The following P2RX5 variants were observed in gnomAD, a reference collection of about 807,000 sequenced individuals.
P2RX5 encodes the protein P2X purinoceptor 5.
Under a neutral mutation model 54.1 loss-of-function variants are expected in P2RX5, and 46 were observed. The ratio of observed to expected loss-of-function variants is 0.85; its 90% CI spans 0.67 to 1.09. The LOEUF (loss-of-function observed/expected upper bound fraction) is 1.09, where lower values mean the gene tolerates loss of function less well. P2RX5 is among the 50% of genes least tolerant of loss of function. P2RX5 has a pLI of 0.00. For synonymous variants in P2RX5, 226 were observed against 226.4 expected (o/e 1.00, Z 0.02); for missense variants, 566 against 549.8 (o/e 1.03, Z -0.29).
chr17:3,685,855 G>A (rs1195762678), intron 9 of P2RX5, among the ~76,000 whole-genome samples: 1 of 18,466 alleles, frequency 5.4e-5, no homozygotes, highest in African/African-American at 1.7e-4. Context: ...CCGCCCCCCC[G>A]CCCAGCCTCA....
At chr17:3,677,954 G>C in intron 11 of P2RX5, 3 of 985,452 alleles carry the variant, frequency 3.0e-6, no homozygotes, top group Non-Finnish European at 3.6e-6. Flanking sequence ...AAGTTCAGGA[G>C]AGATGGCTGT....
chr17:3,690,833 G>A lies in P2RX5; in HGVS notation c.360+123C>T, dbSNP rs1009851135. The stretch of plus-strand genomic sequence containing the variant: ...CCCATATAATGCAGGAACCACACCC[G>A]GGTGCACACAGCCACCCGAGACCCT... On this transcript the variant is annotated intron_variant, in intron 3 of 11. Transcript: ENST00000225328. The A allele has an allele frequency of 1.8e-5, 20 of 1,134,742 alleles. No individual in the cohort carries two copies. In the East Asian group the frequency reaches 3.5e-4, roughly 20 times the overall value. 70.3% of individuals were successfully genotyped at this position (1,134,742 alleles called of 1,614,324 possible).
In P2RX5 at chr17:3,690,986, G is replaced by C. The variant is rs549872669; in HGVS notation, c.330C>G (p.Thr110=). 3.7e-6 allele frequency: 6 copies of C among 1,613,096 alleles called. No homozygotes were observed. The highest frequency in any genetic ancestry group is 3.3e-5 in the Admixed American group (2 of 59,928). ...CACAGACGTTCTGCCGCTGGTTGGG[G>C]GTCACAATCAGGTTGGTGACCACAA... ...VFFVVTNLIV[T]PNQRQNVCAE... is the part of the protein sequence containing the mutation. Residue 110 remains threonine, a synonymous_variant, in exon 3 of 12, where the codon ACC becomes ACG. Coordinates refer to ENST00000225328, the MANE Select transcript of P2RX5 (RefSeq NM_002561.4).
rs2050291756 is a variant in P2RX5 at position 3,681,838 on chromosome 17, G to GCCACGGGGGTGCT, written c.1064+45_1064+57dup. On this transcript the variant is annotated intron_variant, in intron 10 of 11. Coordinates refer to ENST00000225328, the MANE Select transcript of P2RX5 (RefSeq NM_002561.4). ...TATCACATCAGGGCAAAGGCTCGAA[G>GCCACGGGGGTGCT]CCACGGGGGTGCTCCACAGGGCTGC... is the stretch of plus-strand genomic sequence containing the variant. 1.3e-5 allele frequency: 15 copies of GCCACGGGGGTGCT among 1,178,030 alleles called. No individual in the cohort carries two copies. In the South Asian group the frequency reaches 1.7e-4, roughly 13 times the overall value. The allele number at this position is 1,178,030 out of a possible 1,614,324, so 73.0% of individuals were successfully genotyped here.
At chr17:3,677,830 G>A in intron 11 of P2RX5, 1 of 985,352 alleles carries the variant, frequency 1.0e-6, no homozygotes, top group Non-Finnish European at 1.2e-6. Context: ...CAGCACCCTG[G>A]CCTGTCCCTT....
intron 3 of P2RX5, 45 bp downstream of exon 3, chr17:3,690,911 G>A (rs2050596815): frequency 2.6e-6 from 4 of 1,537,922 alleles, no homozygotes; most frequent in East Asian, 2.3e-5. Flanking sequence ...AACCACTGCC[G>A]GTGGCTCTCC....
chr17:3,698,308 G>C (rs1003532278), upstream of P2RX5, among the ~76,000 whole-genome samples: 13 of 152,140 alleles, frequency 8.5e-5, no homozygotes, highest in African/African-American at 2.9e-4. Flanking sequence ...CGCCTGAATT[G>C]CATCTGCCCT....
At chr17:3,723,405 A>T in the P2RX5 span, 4 of 1,527,868 alleles carry the variant, frequency 2.6e-6, no homozygotes, top group Non-Finnish European at 3.6e-6. Flanking sequence ...AGGTCTAGTG[A>T]ACACAATTCC....
the P2RX5 span, among the ~76,000 whole-genome samples, chr17:3,702,775 G>A: frequency 6.6e-6 from 1 of 152,294 alleles, no homozygotes; most frequent in Middle Eastern, 3.4e-3. Context: ...AGAACCCACC[G>A]GAAGGAACCA....
At chr17:3,698,077 T>C (rs1478954346), upstream of P2RX5, among the ~76,000 whole-genome samples, 1 of 151,722 alleles carries the variant, frequency 6.6e-6, no homozygotes. Context: ...GGCATTTCGA[T>C]TCCACCCTGC....
At chr17:3,712,279 A>T in the P2RX5 span, among the ~76,000 whole-genome samples, 3 of 152,194 alleles carry the variant, frequency 2.0e-5, no homozygotes, top group East Asian at 5.8e-4. Context: ...CGGATTTCTG[A>T]ACGAAATGAA....
chr17:3,716,851 A>G, the P2RX5 span: 1 of 988,602 alleles, frequency 1.0e-6, no homozygotes, highest in Non-Finnish European at 1.6e-6. Context: ...AACAAGGAAA[A>G]AATCCTACAT....
At chr17:3,722,113 A>C in the P2RX5 span, among the ~76,000 whole-genome samples, 37 of 151,968 alleles carry the variant, frequency 2.4e-4, no homozygotes, top group East Asian at 6.6e-3. Flanking sequence ...CGGGAGGCGG[A>C]GGTTGCAGTG....
chr17:3,680,286 C>A (rs1240468704), intron 10 of P2RX5, among the ~76,000 whole-genome samples: 3 of 137,408 alleles, frequency 2.2e-5, no homozygotes, highest in Non-Finnish European at 3.1e-5. Context: ...CTCCACCCTG[C>A]ATCCTCCACC....
chr17:3,690,929 A>T, intron 3 of P2RX5, 27 bp downstream of exon 3: 1 of 1,601,738 alleles, frequency 6.2e-7, no homozygotes, highest in South Asian at 1.1e-5. Context: ...TCCCACCCCC[A>T]CGCCAGGGCC....
chr17:3,706,276 G>T, the P2RX5 span, among the ~76,000 whole-genome samples: 1 of 151,724 alleles, frequency 6.6e-6, no homozygotes, highest in African/African-American at 2.4e-5. Context: ...TATGTTTTCT[G>T]TACAGACAGG....
At chr17:3,718,758 T>C in the P2RX5 span, among the ~76,000 whole-genome samples, 1 of 152,356 alleles carries the variant, frequency 6.6e-6, no homozygotes. Flanking sequence ...TCCTCCCTGC[T>C]GGGGGCATGG....
intron 9 of P2RX5, 76 bp from the exon 10 acceptor site, chr17:3,682,054 C>CA (rs2050299409): frequency 1.1e-6 from 1 of 942,338 alleles, no homozygotes; most frequent in Non-Finnish European, 1.7e-6. Flanking sequence ...TTGCCCCTTC[C>CA]ATCCTGCAAC....
At chr17:3,714,446 T>C in the P2RX5 span, among the ~76,000 whole-genome samples, 2 of 143,042 alleles carry the variant, frequency 1.4e-5, no homozygotes, top group Non-Finnish European at 3.0e-5. Flanking sequence ...TAGGATAGTC[T>C]CGATCTCTTG....
Sources: allele counts gnomAD v4.1 joint callset (sites outside exome capture counted in the v4.1 genomes callset), GRCh38; gene constraint gnomAD v4.1.1; transcripts MANE v1.5; gene names NCBI Gene and HGNC (gene_info 2026-07-23, HGNC 2026-07-21).